Variants in HMCN1 observed in about 807,000 individuals in gnomAD.
HMCN1 encodes the protein hemicentin-1.
A neutral mutation model predicts 625.9 loss-of-function variants in HMCN1; 321 were observed. The observed-to-expected ratio is 0.51, with a 90% confidence interval of 0.47 to 0.56. The LOEUF (loss-of-function observed/expected upper bound fraction) is 0.56, where lower values mean the gene tolerates loss of function less well. Among genes scored for constraint, HMCN1 ranks in the 20% least tolerant of loss-of-function variants. The pLI is 0.00. For synonymous variants in HMCN1, 2,425 were observed against 2,417.6 expected (o/e 1.00, Z -0.09); for missense variants, 6,588 against 6,887.3 (o/e 0.96, Z 1.54).
intron 11 of HMCN1, among the ~76,000 whole-genome samples, chr1:185,954,972 C>T (rs548244459): frequency 6.6e-6 from 1 of 152,166 alleles, no homozygotes; most frequent in Non-Finnish European, 1.5e-5. Context: ...ATTTAGAGTT[C>T]AGTGGAACTA....
intron 36 of HMCN1, among the ~76,000 whole-genome samples, chr1:186,027,148 C>G (rs1655110943): frequency 6.6e-6 from 1 of 152,178 alleles, no homozygotes; most frequent in African/African-American, 2.4e-5. Flanking sequence ...GGTGCCTGGT[C>G]TCCTGGACTA....
rs2102644533 is a variant in HMCN1 at position 186,174,579 on chromosome 1, G to A, written c.15880G>A (p.Gly5294Ser). Residue 5294 changes from glycine (G) to serine (S), a missense_variant, in exon 103 of 107, where the codon GGC becomes AGC. Around this residue, in one of 3 missense-constraint regions of HMCN1, gnomAD observed 1,954 missense variants for 2,013.1 expected, o/e 0.97. Coordinates refer to ENST00000271588, the MANE Select transcript of HMCN1 (RefSeq NM_031935.3). ...RYNQICENTR[G>S]SYRCVCPRGY... ...TAACCAGATATGTGAGAATACAAGA[G>A]GCAGCTATCGTTGTGTATGCCCAAG... 1 of 1,613,908 alleles carries A rather than the reference G, an allele frequency of 6.2e-7. No homozygotes were observed. Among genetic ancestry groups the A allele is most frequent in the Admixed American group, 1.7e-5 (1 of 60,016 alleles).
intron 13 of HMCN1, among the ~76,000 whole-genome samples, 169 bp from the exon 14 acceptor site, chr1:185,965,633 T>C (rs774834356): frequency 2.6e-5 from 4 of 152,142 alleles, no homozygotes; most frequent in Non-Finnish European, 4.4e-5. Context: ...AATGATCTTT[T>C]TATCACATAC....
intron 68 of HMCN1, among the ~76,000 whole-genome samples, chr1:186,095,803 T>C (rs1218248697): frequency 1.3e-5 from 2 of 152,160 alleles, no homozygotes; most frequent in Non-Finnish European, 2.9e-5. Flanking sequence ...CTTTTTAAAC[T>C]TTTGCCAAGA....
intron 11 of HMCN1, among the ~76,000 whole-genome samples, chr1:185,949,765 G>A (rs979533986): frequency 2.0e-5 from 3 of 151,810 alleles, no homozygotes; most frequent in African/African-American, 4.9e-5. Context: ...AGACTAAGAG[G>A]TATTTTAGTT....
chr1:186,114,402 CGCACGCCA>C (rs1661030517), intron 73 of HMCN1, among the ~76,000 whole-genome samples: 1 of 151,218 alleles, frequency 6.6e-6, no homozygotes, highest in African/African-American at 2.4e-5. Flanking sequence ...AGATTAAAGA[CGCACGCCA>C]GCACGCCCAG....
In HMCN1 at chr1:186,114,955, C is replaced by T. The variant is rs754368278; in HGVS notation, c.11404+9C>T. The T allele has an allele frequency of 5.0e-6, 8 of 1,613,968 alleles. No homozygotes were observed. Among genetic ancestry groups the T allele is most frequent in the African/African-American group, 4.0e-5 (3 of 74,900 alleles). ...AGATTTACAGGTCCATGGTAAATAT[C>T]CGTTTATAGACAACATCCGGTCTCT... On this transcript the variant is annotated intron_variant, in intron 74 of 106. Transcript: ENST00000271588.
At chr1:186,166,453 T>C in intron 99 of HMCN1, 150 bp downstream of exon 99, 1 of 1,025,830 alleles carries the variant, frequency 9.7e-7, no homozygotes, top group Non-Finnish European at 1.5e-6. Context: ...GCTGAGAAAG[T>C]AAGAAAGCAG....
rs778864494 is a variant in HMCN1 at position 186,087,555 on chromosome 1, C to T, written c.9273C>T (p.Ile3091=). 1 of 1,613,254 alleles carries T rather than the reference C, an allele frequency of 6.2e-7. No homozygotes were observed. Among genetic ancestry groups the T allele is most frequent in the South Asian group, 1.1e-5 (1 of 91,066 alleles). Residue 3091 remains isoleucine (I), a synonymous_variant, in exon 60 of 107, where the codon ATC becomes ATT. Transcript: ENST00000271588. The part of the protein sequence containing the change: ...CESNAVPPPV[I]TWYKNGRMIT... Reference sequence around the variant, plus strand: ...CGAACGCTGTGCCACCTCCAGTCATCACTTGGTATAAGAATGGGCGGATGA... The same window carrying T: ...CGAACGCTGTGCCACCTCCAGTCATTACTTGGTATAAGAATGGGCGGATGA...
At chr1:185,860,569 C>G (rs1482561772) in intron 2 of HMCN1, among the ~76,000 whole-genome samples, 4 of 152,094 alleles carry the variant, frequency 2.6e-5, no homozygotes, top group South Asian at 4.1e-4. Flanking sequence ...CTCAGCCCCC[C>G]AAGTAGCTGG....
chr1:185,982,521 A>T, intron 18 of HMCN1, 132 bp downstream of exon 18: 2 of 792,730 alleles, frequency 2.5e-6, no homozygotes, highest in Non-Finnish European at 2.0e-6. Flanking sequence ...GCTCACCGCA[A>T]CCTCTGCCTC....
intron 105 of HMCN1, among the ~76,000 whole-genome samples, chr1:186,183,126 CT>C (rs1378636881): frequency 6.6e-6 from 1 of 152,132 alleles, no homozygotes; most frequent in East Asian, 1.9e-4. Context: ...AGCTTTTGAA[CT>C]GTATTAATTT....
At chr1:186,070,845 C>T (rs369008498) in intron 52 of HMCN1, 88 bp downstream of exon 52, 77 of 1,306,044 alleles carry the variant, frequency 5.9e-5, no homozygotes, top group East Asian at 3.8e-4. Context: ...ACACAAGTGA[C>T]TCAGAGAATC....
chr1:186,104,246 G>C (rs560729231), intron 69 of HMCN1, among the ~76,000 whole-genome samples: 35 of 152,192 alleles, frequency 2.3e-4, no homozygotes, highest in African/African-American at 8.2e-4. Flanking sequence ...TTCTCCATCT[G>C]AGCCCTAATG....
chr1:186,115,478 A>C, intron 75 of HMCN1, 64 bp downstream of exon 75: 15 of 1,460,638 alleles, frequency 1.0e-5, no homozygotes, highest in Non-Finnish European at 1.4e-5. Flanking sequence ...CAACATTTTA[A>C]TTCTATCAGT....
chr1:185,898,704 C>G (rs192568069), intron 4 of HMCN1, among the ~76,000 whole-genome samples: 11 of 152,182 alleles, frequency 7.2e-5, no homozygotes, highest in Admixed American at 1.3e-4. Context: ...GGAGCCTGCT[C>G]TGGAGAGGTA....
At chr1:186,177,535 AAT>A (rs1463851017) in intron 103 of HMCN1, among the ~76,000 whole-genome samples, 1 of 152,198 alleles carries the variant, frequency 6.6e-6, no homozygotes. Flanking sequence ...GCAGACAAGC[AAT>A]ATGATATGGT....
At chr1:185,892,960 G>A (rs1400596874) in intron 4 of HMCN1, among the ~76,000 whole-genome samples, 3 of 152,144 alleles carry the variant, frequency 2.0e-5, no homozygotes, top group South Asian at 2.1e-4. Context: ...AGCAATCAGC[G>A]AGACTCCGTG....
At chr1:186,101,574 G>A (rs1039534694) in intron 68 of HMCN1, among the ~76,000 whole-genome samples, 5 of 152,056 alleles carry the variant, frequency 3.3e-5, no homozygotes, top group South Asian at 2.1e-4. Context: ...TACTCTGCCC[G>A]AAGTACAAGA....
Sources: gnomAD v4.1 joint callset for allele counts (sites outside exome capture counted in the v4.1 genomes callset) on GRCh38, gnomAD v4.1.1 for gene constraint, gnomAD v4.1.1 regional missense constraint, MANE v1.5 for transcripts, NCBI Gene and HGNC (gene_info 2026-07-23, HGNC 2026-07-21) for gene names.